Variants in ADAMTS2 observed in about 807,000 individuals in gnomAD.
ADAMTS2 encodes the protein ADAM metallopeptidase with thrombospondin type 1 motif 2.
In ADAMTS2, 50 loss-of-function variants were observed where a neutral mutation model predicts 123.0. The observed-to-expected ratio is 0.41, with a 90% CI of 0.32 to 0.51. The LOEUF is 0.51. ADAMTS2 is among the 20% of genes least tolerant of loss of function. The probability of loss-of-function intolerance (pLI) is 0.35; values close to 1 mark genes in which losing one functional copy is unlikely to be tolerated. For missense variants in ADAMTS2, 1,494 were observed against 1,705.2 expected, an observed-to-expected ratio of 0.88 and a Z score of 2.18; for synonymous variants, 678 against 695.4, an observed-to-expected ratio of 0.98 and a Z score of 0.39.
At chr5:179,291,666 G>A (rs558954384) in intron 2 of ADAMTS2, among the ~76,000 whole-genome samples, 15 of 152,158 alleles carry the variant, frequency 9.9e-5, no homozygotes, top group Non-Finnish European at 2.2e-4. Flanking sequence ...ACAGCCTCAG[G>A]ACTGATGGGG....
chr5:179,258,246 T>C (rs569699304), intron 3 of ADAMTS2, among the ~76,000 whole-genome samples: 15 of 152,190 alleles, frequency 9.9e-5, no homozygotes, highest in African/African-American at 3.4e-4. Flanking sequence ...ATGCTTCTTA[T>C]TCCCAGCCTG....
rs78586018 is a variant in ADAMTS2, at chr5:179,338,750, T to C, written c.534+5017A>G. 6.3e-3 allele frequency among the ~76,000 whole-genome samples: 957 copies of C among 152,058 alleles called. 12 individuals carry two copies. The highest frequency in any genetic ancestry group is 0.021 in the African/African-American group (873 of 41,482). On this transcript the variant is annotated intron_variant, in intron 2 of 21. Transcript: ENST00000251582. ...TGAAGGCGTGACATGAGTTGCTGCATGGTTTCTAAAAATCCCTCTGGCTGC... is the reference window on the plus strand; with the variant it reads ...TGAAGGCGTGACATGAGTTGCTGCACGGTTTCTAAAAATCCCTCTGGCTGC...
chr5:179,322,144 T>G (rs1316152691), intron 2 of ADAMTS2, among the ~76,000 whole-genome samples: 1 of 152,204 alleles, frequency 6.6e-6, no homozygotes. Flanking sequence ...TTGGCTTATT[T>G]CTGCATTCTG....
chr5:179,283,941 AGAT>A (rs200922349), intron 2 of ADAMTS2, among the ~76,000 whole-genome samples: 3,480 of 132,060 alleles, frequency 0.026, 84 homozygotes, highest in Middle Eastern at 0.066. Flanking sequence ...ATAAATGGTC[AGAT>A]GATTATTATT....
intron 3 of ADAMTS2, among the ~76,000 whole-genome samples, chr5:179,209,277 T>C (rs1365868590): frequency 6.6e-6 from 1 of 152,194 alleles, no homozygotes; most frequent in East Asian, 1.9e-4. Context: ...AGCTCTCTCC[T>C]TGCACCCTGC....
At chr5:179,338,749 A>G (rs1198211434) in intron 2 of ADAMTS2, among the ~76,000 whole-genome samples, 1 of 152,166 alleles carries the variant, frequency 6.6e-6, no homozygotes, top group Non-Finnish European at 1.5e-5. Flanking sequence ...GAGTTGCTGC[A>G]TGGTTTCTAA....
intron 3 of ADAMTS2, among the ~76,000 whole-genome samples, chr5:179,224,734 T>C (rs929137632): frequency 1.3e-5 from 2 of 152,224 alleles, no homozygotes; most frequent in Non-Finnish European, 2.9e-5. Flanking sequence ...GATCTCTAAA[T>C]ACTGGCAAAA....
chr5:179,217,794 A>AGATAGGCACACTCGCTAGGAGATGGTGCG (rs1189597143), intron 3 of ADAMTS2, among the ~76,000 whole-genome samples: 4 of 91,284 alleles, frequency 4.4e-5, no homozygotes, highest in African/African-American at 1.5e-4. Context: ...GGGATGGCGC[A>AGATAGGCACACTCGCTAGGAGATGGTGCG]AGGGGGGGAT....
Position 179,158,899 on chromosome 5 carries a change from A to C in ADAMTS2, c.976-20T>G, listed in dbSNP as rs1239393043. On this transcript the variant is annotated intron_variant, in intron 5 of 21. Coordinates refer to ENST00000251582, the MANE Select transcript of ADAMTS2 (RefSeq NM_014244.5). The surrounding 1 kb of genome is among the most constrained non-coding windows in gnomAD (Gnocchi z 5.0). ...CATGGACTGCAGGGGGATGGAGAGA[A>C]ATGGAAGAGAGAGGTTGGCGCCTGG... The C allele has an allele frequency of 6.2e-7, 1 of 1,613,046 alleles. No homozygotes were observed. Among genetic ancestry groups the C allele is most frequent in the Non-Finnish European group, 8.5e-7 (1 of 1,179,746 alleles).
intron 2 of ADAMTS2, among the ~76,000 whole-genome samples, chr5:179,281,417 C>T (rs989589083): frequency 6.6e-6 from 1 of 152,234 alleles, no homozygotes; most frequent in South Asian, 2.1e-4. Flanking sequence ...CTATTCTGGA[C>T]ATTTCATATA....
intron 20 of ADAMTS2, 104 bp from the exon 21 acceptor site, chr5:179,121,854 C>T: frequency 1.3e-6 from 1 of 750,012 alleles, no homozygotes; most frequent in Non-Finnish European, 2.1e-6. Flanking sequence ...AAGCGTCATT[C>T]AAGGCCCTCG....
At chr5:179,145,448 C>T (rs1000201152) in intron 10 of ADAMTS2, among the ~76,000 whole-genome samples, 2 of 152,082 alleles carry the variant, frequency 1.3e-5, no homozygotes, top group Non-Finnish European at 2.9e-5. Context: ...CCATCATTAC[C>T]GAAAGGTGGA....
rs768688127 is a variant in ADAMTS2, at chr5:179,132,759, G to A, written c.2209+18C>T. ...GCAGGCATCCAGGCTCCAGGGTGGA[G>A]AGCAGGGACCCACTCACCATGCTTC... is the stretch of plus-strand genomic sequence containing the variant. On this transcript the variant is annotated intron_variant, in intron 14 of 21. Transcript: ENST00000251582. This position sits in a 1 kb window ranked among gnomAD's most constrained non-coding sequence, Gnocchi z 6.1. 10 of 1,613,886 alleles carry A rather than the reference G, an allele frequency of 6.2e-6. No homozygotes were observed. The highest frequency in any genetic ancestry group is 1.3e-5 in the African/African-American group (1 of 74,914).
chr5:179,216,592 C>T lies in ADAMTS2; in HGVS notation c.689-8877G>A, dbSNP rs546677333. ...CAAGACTTCCTCGAGACCTTGCTCA[C>T]GACTTCCCCAGGAGGGGCCTTGTCA... On this transcript the variant is annotated intron_variant, in intron 3 of 21. Coordinates refer to ENST00000251582, the MANE Select transcript of ADAMTS2 (RefSeq NM_014244.5). Among the ~76,000 whole-genome samples the T allele has an allele frequency of 6.0e-3, 915 of 152,280 alleles. 4 individuals are homozygous for T. Among genetic ancestry groups the T allele is most frequent in the Middle Eastern group, 0.017 (5 of 294 alleles).
At chr5:179,216,393 G>T (rs904414964) in intron 3 of ADAMTS2, among the ~76,000 whole-genome samples, 1 of 152,190 alleles carries the variant, frequency 6.6e-6, no homozygotes, top group Non-Finnish European at 1.5e-5. Flanking sequence ...TGCTGAGGAC[G>T]CACAACATTC....
At chr5:179,140,788 G>A (rs868144925) in intron 10 of ADAMTS2, among the ~76,000 whole-genome samples, 1 of 117,008 alleles carries the variant, frequency 8.5e-6, no homozygotes, top group African/African-American at 3.1e-5. Flanking sequence ...CTTCAGTTCC[G>A]ACTGCATGCT....
At chr5:179,280,257 C>T (rs457480) in intron 2 of ADAMTS2, among the ~76,000 whole-genome samples, 8 of 152,220 alleles carry the variant, frequency 5.3e-5, no homozygotes, top group African/African-American at 1.2e-4. Flanking sequence ...ACATGCCCAG[C>T]GAGGCTCTAA....
rs532444903 is a variant in ADAMTS2 at position 179,121,496 on chromosome 5, C to T, written c.3178+165G>A. 1.6e-4 allele frequency: 83 copies of T among 523,464 alleles called. No individual in the cohort carries two copies. In the East Asian group the frequency reaches 2.4e-3, roughly 15 times the overall value. The allele number at this position is 523,464 out of a possible 1,614,324, so 32.4% of individuals were successfully genotyped here. A position where few individuals can be genotyped will look rare whatever the true frequency, so the allele number is the denominator to read the frequency against. On this transcript the variant is annotated intron_variant, in intron 21 of 21. Transcript: ENST00000251582. Reference sequence around the variant, plus strand: ...CGCCAGCAGGCAGCGCGGCCCGGAGCGGACGCCGAGCTCAGAGGCCCGGGA... The same window carrying T: ...CGCCAGCAGGCAGCGCGGCCCGGAGTGGACGCCGAGCTCAGAGGCCCGGGA...
Position 179,206,541 on chromosome 5 carries a change from G to A in ADAMTS2, c.891+972C>T, listed in dbSNP as rs73329747. ...CCACCTCCAGCCCTCCCTAAGCCCC[G>A]GCTTCCTCCCACAAATACCCCCCTG... is the stretch of plus-strand genomic sequence containing the variant. On this transcript the variant is annotated intron_variant, in intron 4 of 21. Transcript: ENST00000251582. Among the ~76,000 whole-genome samples, 466 of 152,188 alleles carry A rather than the reference G, an allele frequency of 3.1e-3. 2 individuals carry two copies. The highest frequency in any genetic ancestry group is 0.01 in the African/African-American group (420 of 41,508).
Sources: gnomAD v4.1 joint callset for allele counts (sites outside exome capture counted in the v4.1 genomes callset) on GRCh38, gnomAD v4.1.1 for gene constraint, Gnocchi (gnomAD v3.1) non-coding constraint, MANE v1.5 for transcripts, NCBI Gene and HGNC (gene_info 2026-07-23, HGNC 2026-07-21) for gene names.